Variants in PDE7A observed in about 807,000 individuals in gnomAD.
PDE7A encodes the protein phosphodiesterase 7A.
PDE7A carries 39 observed loss-of-function variants against 64.3 expected under a neutral mutation model. The ratio of observed to expected loss-of-function variants is 0.61; its 90% CI spans 0.47 to 0.79. The LOEUF is 0.79. Ranked by LOEUF, PDE7A falls within the 30% of genes least tolerant of loss-of-function variation. The pLI, the probability that PDE7A is intolerant of heterozygous loss-of-function variation, is 0.00. For synonymous variants in PDE7A, 203 were observed against 206.8 expected (o/e 0.98, Z 0.16); for missense variants, 470 against 582.8 (o/e 0.81, Z 1.99).
chr8:65,753,484 A>G (rs1017154795), intron 3 of PDE7A, among the ~76,000 whole-genome samples: 1 of 152,198 alleles, frequency 6.6e-6, no homozygotes, highest in African/African-American at 2.4e-5. Flanking sequence ...TGAAATAATT[A>G]GCTTTGTACT....
chr8:65,751,782 G>T (rs928855069), intron 3 of PDE7A, among the ~76,000 whole-genome samples: 44 of 152,330 alleles, frequency 2.9e-4, no homozygotes, highest in African/African-American at 9.9e-4. Flanking sequence ...GTGAGCCACT[G>T]CGCCCAGCCC....
In PDE7A at chr8:65,782,847, G is replaced by GAA. The variant is rs760862772; in HGVS notation, c.139-6_139-5dup. 24 of 1,506,760 alleles carry GAA rather than the reference G, an allele frequency of 1.6e-5. No homozygotes were observed. Among genetic ancestry groups the GAA allele is most frequent in the Non-Finnish European group, 2.1e-5 (23 of 1,096,558 alleles). The allele number at this position is 1,506,760 out of a possible 1,614,324, so 93.3% of individuals were successfully genotyped here. A position where few individuals can be genotyped will look rare whatever the true frequency, so the allele number is the denominator to read the frequency against. ...CATAGGAAATAGCTCCACGCCTCTA[G>GAA]AAAAAAAAATACACATTATAATACA... On this transcript the variant is annotated splice_polypyrimidine_tract_variant and splice_region_variant and intron_variant, in intron 1 of 12. Coordinates refer to ENST00000401827, the MANE Select transcript of PDE7A (RefSeq NM_001242318.3).
chr8:65,834,604 T>A (rs1367063844), intron 1 of PDE7A, among the ~76,000 whole-genome samples: 1 of 152,222 alleles, frequency 6.6e-6, no homozygotes, highest in Non-Finnish European at 1.5e-5. Flanking sequence ...AAAATTCTGA[T>A]AAGTAAAGCA....
At chr8:65,770,157 G>T (rs977895081) in intron 3 of PDE7A, among the ~76,000 whole-genome samples, 3 of 134,252 alleles carry the variant, frequency 2.2e-5, no homozygotes, top group Admixed American at 8.1e-5. Context: ...GTGTGTGTGT[G>T]TGTGTGCCAC....
At chr8:65,839,529 C>T (rs1387511169) in intron 1 of PDE7A, among the ~76,000 whole-genome samples, 1 of 151,842 alleles carries the variant, frequency 6.6e-6, no homozygotes, top group Non-Finnish European at 1.5e-5. Flanking sequence ...ACTAAGTTTA[C>T]ATTTACCACA....
chr8:65,731,049 C>G (rs560213439), intron 7 of PDE7A, among the ~76,000 whole-genome samples: 1 of 152,294 alleles, frequency 6.6e-6, no homozygotes, highest in South Asian at 2.1e-4. Context: ...CTACCATGTG[C>G]TGGTGCTGTT....
chr8:65,834,747 G>A (rs1168363592), intron 1 of PDE7A, among the ~76,000 whole-genome samples: 4 of 152,106 alleles, frequency 2.6e-5, no homozygotes, highest in Non-Finnish European at 4.4e-5. Flanking sequence ...CTACCAGCAG[G>A]TGGAGGCATG....
intron 3 of PDE7A, 84 bp from the exon 4 acceptor site, chr8:65,747,887 C>T (rs529783278): frequency 1.4e-6 from 1 of 698,822 alleles, no homozygotes; most frequent in South Asian, 2.8e-5. Flanking sequence ...TAGTTATGTA[C>T]AAGTATTTTT....
intron 3 of PDE7A, chr8:65,765,530 C>T (rs1388462689): frequency 7.8e-6 from 1 of 128,814 alleles, no homozygotes; most frequent in African/African-American, 3.0e-5. Context: ...AGATAATGGG[C>T]GAAACATGCT....
At chr8:65,835,608 G>C (rs1175230533) in intron 1 of PDE7A, among the ~76,000 whole-genome samples, 1 of 152,120 alleles carries the variant, frequency 6.6e-6, no homozygotes, top group African/African-American at 2.4e-5. Context: ...GGAAGAGGAG[G>C]GAAGAGAAAA....
Position 65,747,697 on chromosome 8 carries a change from T to C in PDE7A, c.390A>G (p.Ser130=). ...CATCATCTAAAATGTTTAGGGAATT[T>C]GAAACCGCAGTACCACGAAAAAAGC... ...SSRFFRGTAV[S]NSLNILDDDY... Residue 130 remains serine (S), a synonymous_variant, in exon 4 of 13, where the codon TCA becomes TCG. Transcript: ENST00000401827. 6.2e-7 allele frequency: 1 copy of C among 1,611,936 alleles called. No individual in the cohort carries two copies. Among genetic ancestry groups the C allele is most frequent in the Non-Finnish European group, 8.5e-7 (1 of 1,178,412 alleles).
chr8:65,789,223 G>A, intron 1 of PDE7A: 1 of 390,542 alleles, frequency 2.6e-6, no homozygotes, highest in African/African-American at 2.0e-5. Flanking sequence ...AGACTTTAGT[G>A]AGCGCTGACC....
intron 7 of PDE7A, among the ~76,000 whole-genome samples, chr8:65,729,953 G>A (rs1395512845): frequency 6.6e-6 from 1 of 151,880 alleles, no homozygotes; most frequent in African/African-American, 2.4e-5. Flanking sequence ...AAGGCAAAAG[G>A]ACAAGGCGGT....
intron 7 of PDE7A, 123 bp downstream of exon 7, chr8:65,734,671 C>G (rs1807047744): frequency 1.6e-6 from 1 of 640,960 alleles, no homozygotes; most frequent in Non-Finnish European, 2.8e-6. Context: ...CCAGCTAGAT[C>G]TCATTCTTGT....
rs563620014 is a variant in PDE7A at position 65,804,819 on chromosome 8, A to G, written c.139-21976T>C. The stretch of plus-strand genomic sequence containing the variant: ...CTCCCACAGTGCTGGGATTATAGGC[A>G]TAAGCCACCGTGCCCAGCCAAGTTT... On this transcript the variant is annotated intron_variant, in intron 1 of 12. Transcript: ENST00000401827. 2.2e-4 allele frequency among the ~76,000 whole-genome samples: 34 copies of G among 151,818 alleles called. No individual in the cohort carries two copies. In the East Asian group the frequency reaches 5.6e-3, roughly 25 times the overall value.
At chr8:65,826,795 G>A (rs2128933533) in intron 1 of PDE7A, among the ~76,000 whole-genome samples, 1 of 152,270 alleles carries the variant, frequency 6.6e-6, no homozygotes, top group African/African-American at 2.4e-5. Context: ...GGAGGCTGAA[G>A]GTCCAAAATC....
At chr8:65,835,307 A>T (rs1415894673) in intron 1 of PDE7A, among the ~76,000 whole-genome samples, 1 of 152,260 alleles carries the variant, frequency 6.6e-6, no homozygotes, top group Non-Finnish European at 1.5e-5. Flanking sequence ...TCAGAAATAG[A>T]TTTTACATAA....
intron 3 of PDE7A, among the ~76,000 whole-genome samples, chr8:65,753,134 T>C (rs1294260557): frequency 6.6e-6 from 1 of 152,222 alleles, no homozygotes; most frequent in East Asian, 1.9e-4. Flanking sequence ...CACTATTCCA[T>C]TAAGTGCTCT....
rs555061571 is a variant in PDE7A at position 65,841,260 on chromosome 8, C to G, written c.138+111G>C. The G allele has an allele frequency of 5.7e-6, 7 of 1,231,492 alleles. No individual in the cohort carries two copies. In the South Asian group the frequency reaches 1.1e-4, roughly 19 times the overall value. 76.3% of individuals were successfully genotyped at this position (1,231,492 alleles called of 1,614,324 possible). ...AATCGAAAGGCCAGCCTAGAAATCC[C>G]CAGACAATGGACAATGCGCGGGCTG... On this transcript the variant is annotated intron_variant, in intron 1 of 12. Transcript: ENST00000401827.
Sources: allele counts gnomAD v4.1 joint callset (sites outside exome capture counted in the v4.1 genomes callset), GRCh38; gene constraint gnomAD v4.1.1; transcripts MANE v1.5; gene names NCBI Gene and HGNC (gene_info 2026-07-23, HGNC 2026-07-21).